The following SIAH3 variants were observed in gnomAD, a reference collection of about 807,000 sequenced individuals.
SIAH3 encodes seven in absentia homolog 3.
In SIAH3, 9 loss-of-function variants were observed where a neutral mutation model predicts 12.6. That is an observed-to-expected ratio of 0.72 (90% confidence interval 0.43 to 1.25). The LOEUF is 1.25. Ranked by LOEUF, SIAH3 falls within the 50% of genes most tolerant of loss-of-function variation. The pLI is 0.00. For synonymous variants in SIAH3, 154 were observed against 151.1 expected (o/e 1.02, Z -0.14); for missense variants, 390 against 365.4 (o/e 1.07, Z -0.55).
chr13:45,832,004 A>G (rs79306314), intron 1 of SIAH3, among the ~76,000 whole-genome samples: 3,631 of 152,190 alleles, frequency 0.024, 122 homozygotes, highest in African/African-American at 0.077. Context: ...GCGGGAGAGC[A>G]TTTCCAGCCC....
intron 1 of SIAH3, among the ~76,000 whole-genome samples, chr13:45,828,474 G>A (rs1272474083): frequency 6.6e-6 from 1 of 152,174 alleles, no homozygotes; most frequent in Non-Finnish European, 1.5e-5. Flanking sequence ...TTCTCCTTTT[G>A]AAGTTGCATT....
chr13:45,789,423 T>A (rs1351198032), intron 1 of SIAH3, among the ~76,000 whole-genome samples: 1 of 151,596 alleles, frequency 6.6e-6, no homozygotes, highest in Non-Finnish European at 1.5e-5. Context: ...TATCTATATG[T>A]TGAGACAGAG....
rs550821523 is a variant in SIAH3 at position 45,834,747 on chromosome 13, G to A, written c.135+16748C>T. 5.3e-5 allele frequency among the ~76,000 whole-genome samples: 8 copies of A among 152,174 alleles called. No homozygotes were observed. In the South Asian group the frequency reaches 1.7e-3, roughly 32 times the overall value. On this transcript the variant is annotated intron_variant, in intron 1 of 1. Coordinates refer to ENST00000400405, the MANE Select transcript of SIAH3 (RefSeq NM_198849.3). ...CGTCTTGTGCAGGTACCTAAACTTAGGCCTTCTGGAGGTGATGCAGGAGGA... is the reference window on the plus strand; with the variant it reads ...CGTCTTGTGCAGGTACCTAAACTTAAGCCTTCTGGAGGTGATGCAGGAGGA...
intron 1 of SIAH3, among the ~76,000 whole-genome samples, chr13:45,804,175 T>A (rs1950591407): frequency 6.6e-6 from 1 of 152,154 alleles, no homozygotes; most frequent in Non-Finnish European, 1.5e-5. Flanking sequence ...ATTATATTTT[T>A]AAAAATAAAA....
Position 45,844,578 on chromosome 13 carries a change from A to T in SIAH3, c.135+6917T>A, listed in dbSNP as rs1017968325. On this transcript the variant is annotated intron_variant, in intron 1 of 1. Transcript: ENST00000400405. ...TCTCTAGCTTGCAGATGGGCATGCC[A>T]TGGGACTACTAAGCCGTCATAATCG... Among the ~76,000 whole-genome samples, 4 of 152,210 alleles carry T rather than the reference A, an allele frequency of 2.6e-5. No individual in the cohort carries two copies. In the East Asian group the frequency reaches 7.7e-4, roughly 29 times the overall value.
At chr13:45,825,022 G>A (rs1447198060) in intron 1 of SIAH3, among the ~76,000 whole-genome samples, 1 of 152,030 alleles carries the variant, frequency 6.6e-6, no homozygotes, top group East Asian at 1.9e-4. Flanking sequence ...GTATGCAAAC[G>A]TACGGCAGCA....
chr13:45,849,709 C>G (rs1042648280), intron 1 of SIAH3, among the ~76,000 whole-genome samples: 1 of 152,148 alleles, frequency 6.6e-6, no homozygotes, highest in Non-Finnish European at 1.5e-5. Flanking sequence ...GAGAAATATA[C>G]ACAAGTGGTT....
At chr13:45,828,204 T>C (rs529420927) in intron 1 of SIAH3, among the ~76,000 whole-genome samples, 2 of 152,076 alleles carry the variant, frequency 1.3e-5, no homozygotes, top group African/African-American at 4.8e-5. Flanking sequence ...CCTATGGGAG[T>C]GCTCTGTGAA....
At chr13:45,807,787 T>C (rs1950603091) in intron 1 of SIAH3, among the ~76,000 whole-genome samples, 2 of 152,192 alleles carry the variant, frequency 1.3e-5, no homozygotes, top group South Asian at 4.1e-4. Flanking sequence ...ATCATTGACA[T>C]TGCATATGCC....
At chr13:45,841,432 C>T (rs1198789254) in intron 1 of SIAH3, among the ~76,000 whole-genome samples, 2 of 152,160 alleles carry the variant, frequency 1.3e-5, no homozygotes, top group East Asian at 3.9e-4. Context: ...GGAGCCAGGG[C>T]CTACCGTTTC....
At chr13:45,791,276 T>C (rs1217052897) in intron 1 of SIAH3, among the ~76,000 whole-genome samples, 1 of 152,236 alleles carries the variant, frequency 6.6e-6, no homozygotes, top group African/African-American at 2.4e-5. Context: ...AGTGCAGTGA[T>C]GGACTTGCTG....
intron 1 of SIAH3, among the ~76,000 whole-genome samples, chr13:45,785,943 T>G (rs1950526484): frequency 6.6e-6 from 1 of 152,232 alleles, no homozygotes; most frequent in Non-Finnish European, 1.5e-5. Context: ...GGAAGGAAAC[T>G]AACTAGTATG....
chr13:45,792,765 G>T (rs1421527928), intron 1 of SIAH3, among the ~76,000 whole-genome samples: 1 of 152,194 alleles, frequency 6.6e-6, no homozygotes, highest in Non-Finnish European at 1.5e-5. Flanking sequence ...ACCACCACGT[G>T]TACTTTTGCC....
In SIAH3 at chr13:45,826,324, A is replaced by AATGG. The variant is rs1449643692; in HGVS notation, c.135+25167_135+25170dup. On this transcript the variant is annotated intron_variant, in intron 1 of 1. Coordinates refer to ENST00000400405, the MANE Select transcript of SIAH3 (RefSeq NM_198849.3). ...ATAGTAGGTGCTAAATAAACATTTAAATGGATGGATGGATGGATGAGTGGG... is the reference window on the plus strand; with the variant it reads ...ATAGTAGGTGCTAAATAAACATTTAAATGGATGGATGGATGGATGGATGAGTGGG... 8.0e-5 allele frequency among the ~76,000 whole-genome samples: 12 copies of AATGG among 150,306 alleles called. No individual in the cohort carries two copies. The East Asian group carries it at 1.2e-3, about 15-fold the overall frequency.
rs770168670 is a variant in SIAH3, at chr13:45,824,640, C to G, written c.135+26855G>C. On this transcript the variant is annotated intron_variant, in intron 1 of 1. Coordinates refer to ENST00000400405, the MANE Select transcript of SIAH3 (RefSeq NM_198849.3). ...TGAAAACCACTGTGGGGAAAGAGACCAGTGCTAAATGTCTTTGGACCTCCA... is the reference window on the plus strand; with the variant it reads ...TGAAAACCACTGTGGGGAAAGAGACGAGTGCTAAATGTCTTTGGACCTCCA... Among the ~76,000 whole-genome samples, 34 of 152,118 alleles carry G rather than the reference C, an allele frequency of 2.2e-4. No individual in the cohort carries two copies. In the Middle Eastern group the frequency reaches 0.014, roughly 61 times the overall value.
At chr13:45,805,753 T>C (rs1408209921) in intron 1 of SIAH3, among the ~76,000 whole-genome samples, 1 of 152,192 alleles carries the variant, frequency 6.6e-6, no homozygotes, top group Non-Finnish European at 1.5e-5. Flanking sequence ...AAAGAGCTTC[T>C]GCACAGCAAA....
At chr13:45,834,281 T>C (rs1950710385) in intron 1 of SIAH3, among the ~76,000 whole-genome samples, 1 of 152,186 alleles carries the variant, frequency 6.6e-6, no homozygotes, top group Non-Finnish European at 1.5e-5. Context: ...CACTTTACAA[T>C]GTTTTCATCA....
intron 1 of SIAH3, among the ~76,000 whole-genome samples, chr13:45,786,979 C>A (rs1192443686): frequency 6.6e-6 from 1 of 152,114 alleles, no homozygotes. Context: ...ACCTGTACAG[C>A]TAATGTCAGA....
chr13:45,841,550 A>T (rs888626650), intron 1 of SIAH3, among the ~76,000 whole-genome samples: 4 of 152,234 alleles, frequency 2.6e-5, no homozygotes, highest in African/African-American at 9.6e-5. Context: ...TTAAAAATAC[A>T]TTAAAGGACC....
Sources: allele counts gnomAD v4.1 joint callset (sites outside exome capture counted in the v4.1 genomes callset), GRCh38; gene constraint gnomAD v4.1.1; transcripts MANE v1.5; gene names NCBI Gene and HGNC (gene_info 2026-07-23, HGNC 2026-07-21).